Variants in CTIF observed in about 807,000 individuals in gnomAD.
The protein encoded by CTIF is cap binding complex dependent translation initiation factor.
Under a neutral mutation model 66.0 loss-of-function variants are expected in CTIF, and 21 were observed. The ratio of observed to expected loss-of-function variants is 0.32; its 90% CI spans 0.23 to 0.46. The LOEUF (loss-of-function observed/expected upper bound fraction) is 0.46. Ranked by LOEUF, CTIF falls within the 20% of genes least tolerant of loss-of-function variation. CTIF has a pLI of 1.00. For synonymous variants in CTIF, 345 were observed against 326.4 expected, an observed-to-expected ratio of 1.06 and a Z score of -0.62; for missense variants, 739 against 812.7, an observed-to-expected ratio of 0.91 and a Z score of 1.10.
At chr18:48,679,427 A>G (rs1481229065) in intron 6 of CTIF, among the ~76,000 whole-genome samples, 2 of 152,224 alleles carry the variant, frequency 1.3e-5, no homozygotes, top group East Asian at 3.9e-4. Flanking sequence ...CAAGCTTGGC[A>G]GATAAGAACT....
chr18:48,652,167 AC>A (rs1185588858), intron 3 of CTIF, among the ~76,000 whole-genome samples: 2 of 152,186 alleles, frequency 1.3e-5, no homozygotes, highest in African/African-American at 4.8e-5. Flanking sequence ...GACGCAAAAA[AC>A]CCTTCAAAAA....
intron 1 of CTIF, among the ~76,000 whole-genome samples, chr18:48,582,075 G>A (rs1342121998): frequency 3.3e-5 from 5 of 151,990 alleles, no homozygotes; most frequent in African/African-American, 4.8e-5. Context: ...TGTCTGAGGG[G>A]CCGTCTGTTT....
intron 6 of CTIF, among the ~76,000 whole-genome samples, chr18:48,679,854 TG>T (rs1054732963): frequency 5.3e-5 from 8 of 151,970 alleles, no homozygotes; most frequent in Non-Finnish European, 7.4e-5. Context: ...AACTGGGCCT[TG>T]GGGGGTGGCC....
chr18:48,714,227 T>C (rs1357694150), intron 7 of CTIF, among the ~76,000 whole-genome samples: 1 of 152,212 alleles, frequency 6.6e-6, no homozygotes, highest in Non-Finnish European at 1.5e-5. Flanking sequence ...CATACTTGTG[T>C]GCAGCAGGTT....
chr18:48,555,982 C>T (rs2089010252), intron 1 of CTIF, among the ~76,000 whole-genome samples: 1 of 152,190 alleles, frequency 6.6e-6, no homozygotes, highest in African/African-American at 2.4e-5. Flanking sequence ...TTCCTTTTGC[C>T]AGGAGGAGGC....
intron 3 of CTIF, among the ~76,000 whole-genome samples, chr18:48,650,853 AAAG>A (rs1568104967): frequency 6.6e-6 from 1 of 152,204 alleles, no homozygotes; most frequent in Non-Finnish European, 1.5e-5. Flanking sequence ...TTCAAAAAAA[AAAG>A]AGAATTTTCA....
intron 1 of CTIF, among the ~76,000 whole-genome samples, chr18:48,577,902 C>G (rs1005946736): frequency 6.6e-6 from 1 of 152,160 alleles, no homozygotes; most frequent in African/African-American, 2.4e-5. Context: ...AATATATTGA[C>G]GATGTTGTGC....
chr18:48,670,438 G>A (rs1421074028), intron 5 of CTIF, among the ~76,000 whole-genome samples: 1 of 151,900 alleles, frequency 6.6e-6, no homozygotes, highest in African/African-American at 2.4e-5. Flanking sequence ...GGGGAACTCT[G>A]GTTCCTCTCC....
chr18:48,783,322 C>G (rs1911415880), intron 9 of CTIF, among the ~76,000 whole-genome samples: 1 of 152,220 alleles, frequency 6.6e-6, no homozygotes, highest in African/African-American at 2.4e-5. Context: ...CTGGGAAGGA[C>G]TGGCTACTAC....
chr18:48,624,762 C>G (rs559601157), intron 2 of CTIF, among the ~76,000 whole-genome samples: 3 of 152,180 alleles, frequency 2.0e-5, no homozygotes, highest in African/African-American at 7.2e-5. Context: ...TCCTTTCTCC[C>G]CCTCCATGGC....
intron 9 of CTIF, among the ~76,000 whole-genome samples, chr18:48,762,814 G>C (rs756365520): frequency 6.6e-6 from 1 of 152,230 alleles, no homozygotes; most frequent in Admixed American, 6.5e-5. Context: ...GCAGTCTGCC[G>C]TCTTCCCTAA....
chr18:48,589,156 G>A (rs1181941392), intron 1 of CTIF, among the ~76,000 whole-genome samples: 2 of 152,152 alleles, frequency 1.3e-5, no homozygotes, highest in African/African-American at 2.4e-5. Context: ...CTATTGTCAC[G>A]AATTATCACA....
chr18:48,671,288 T>C (rs2091529769), intron 6 of CTIF, among the ~76,000 whole-genome samples: 1 of 152,104 alleles, frequency 6.6e-6, no homozygotes, highest in Non-Finnish European at 1.5e-5. Flanking sequence ...CTCTAGATAC[T>C]TATAGTGCTG....
chr18:48,831,147 A>G (rs77976082), intron 10 of CTIF, among the ~76,000 whole-genome samples: 72 of 152,350 alleles, frequency 4.7e-4, no homozygotes, highest in Non-Finnish European at 9.3e-4. Flanking sequence ...AGAACGGGAA[A>G]GGGAAAAGAA....
intron 7 of CTIF, among the ~76,000 whole-genome samples, chr18:48,753,827 C>T (rs1908073429): frequency 6.6e-6 from 1 of 152,206 alleles, no homozygotes; most frequent in South Asian, 2.1e-4. Context: ...AGACCAAGTG[C>T]AGCCTCCTTG....
intron 10 of CTIF, among the ~76,000 whole-genome samples, chr18:48,854,782 G>T (rs1377284920): frequency 6.6e-6 from 1 of 152,248 alleles, no homozygotes; most frequent in Non-Finnish European, 1.5e-5. Flanking sequence ...AATTAGCAGG[G>T]CATGATGGCC....
chr18:48,700,721 G>A (rs1340196639), intron 6 of CTIF, among the ~76,000 whole-genome samples: 2 of 152,190 alleles, frequency 1.3e-5, no homozygotes, highest in African/African-American at 4.8e-5. Flanking sequence ...GTGACCTCAG[G>A]CATCCCTTCC....
chr18:48,756,936 A>G (rs1055240487), intron 7 of CTIF, among the ~76,000 whole-genome samples: 1 of 152,216 alleles, frequency 6.6e-6, no homozygotes, highest in Non-Finnish European at 1.5e-5. Flanking sequence ...TTGCTGTAAC[A>G]GAGTACCACT....
chr18:48,840,494 G>A lies in CTIF; in HGVS notation c.1528-17094G>A, dbSNP rs569088003. 3.5e-4 allele frequency among the ~76,000 whole-genome samples: 54 copies of A among 152,164 alleles called. 1 individual carries two copies. The highest frequency in any genetic ancestry group is 7.4e-4 in the Non-Finnish European group (50 of 68,020). On this transcript the variant is annotated intron_variant, in intron 10 of 11. Coordinates refer to ENST00000256413, the MANE Select transcript of CTIF (RefSeq NM_014772.3). ...TATTAAAATTTATATTCTGCTAAGG[G>A]TAAGGCTCTAAAGCCAAACAAACTT...
Sources: allele counts gnomAD v4.1 joint callset (sites outside exome capture counted in the v4.1 genomes callset), GRCh38; gene constraint gnomAD v4.1.1; transcripts MANE v1.5; gene names NCBI Gene and HGNC (gene_info 2026-07-23, HGNC 2026-07-21).